FSTL4: variants seen among roughly 807,000 people sequenced by gnomAD.
The protein encoded by FSTL4 is follistatin-related protein 4.
Under a neutral mutation model 78.2 loss-of-function variants are expected in FSTL4, and 28 were observed. The observed-to-expected ratio is 0.36, with a 90% CI of 0.27 to 0.49. The LOEUF (loss-of-function observed/expected upper bound fraction) is 0.49, where lower values mean the gene tolerates loss of function less well. FSTL4 is among the 20% of genes least tolerant of loss of function. The pLI, the probability that FSTL4 is intolerant of heterozygous loss-of-function variation, is 0.98. For synonymous variants in FSTL4, 422 were observed against 440.5 expected (o/e 0.96, Z 0.53); for missense variants, 922 against 1,084.9 (o/e 0.85, Z 2.11).
chr5:133,700,556 C>A, the FSTL4 span, among the ~76,000 whole-genome samples: 1 of 152,258 alleles, frequency 6.6e-6, no homozygotes, highest in African/African-American at 2.4e-5. Context: ...GGGGCAGGTG[C>A]TCTGCCTATG....
chr5:133,245,728 C>G (rs1752021666), intron 7 of FSTL4, among the ~76,000 whole-genome samples: 3 of 152,228 alleles, frequency 2.0e-5, no homozygotes, highest in Admixed American at 1.3e-4. Context: ...GGATGGGCCA[C>G]ACACGATTGG....
chr5:133,446,223 T>C (rs1757262146), intron 3 of FSTL4, among the ~76,000 whole-genome samples: 1 of 152,146 alleles, frequency 6.6e-6, no homozygotes, highest in Admixed American at 6.5e-5. Context: ...GCAGATCACT[T>C]GAGGTCAGGA....
chr5:133,829,771 G>C, the FSTL4 span, among the ~76,000 whole-genome samples: 14,528 of 152,252 alleles, frequency 0.095, 802 homozygotes, highest in Admixed American at 0.15. Context: ...GCTATTTCTA[G>C]AGCCTTGCTG....
the FSTL4 span, among the ~76,000 whole-genome samples, chr5:133,805,344 C>T: frequency 6.6e-6 from 1 of 152,164 alleles, no homozygotes; most frequent in African/African-American, 2.4e-5. Context: ...CTGCATCACT[C>T]AAGAGTCCCT....
chr5:133,496,086 C>T (rs1205640850), intron 3 of FSTL4, among the ~76,000 whole-genome samples: 1 of 152,196 alleles, frequency 6.6e-6, no homozygotes, highest in East Asian at 1.9e-4. Flanking sequence ...ACCTGCAGCA[C>T]ATAACCTGAG....
chr5:133,701,485 A>ACT, the FSTL4 span, among the ~76,000 whole-genome samples: 1 of 124,858 alleles, frequency 8.0e-6, no homozygotes, highest in Non-Finnish European at 1.7e-5. Flanking sequence ...ACACACACAC[A>ACT]CACACACACA....
intron 6 of FSTL4, among the ~76,000 whole-genome samples, chr5:133,287,579 T>G (rs1473115696): frequency 6.6e-6 from 1 of 152,040 alleles, no homozygotes; most frequent in African/African-American, 2.4e-5. Context: ...GGCATAGGCA[T>G]CCCAACCAGC....
At chr5:133,409,082 T>C (rs1756428345) in intron 3 of FSTL4, among the ~76,000 whole-genome samples, 1 of 152,194 alleles carries the variant, frequency 6.6e-6, no homozygotes, top group African/African-American at 2.4e-5. Context: ...AAGGAAATGC[T>C]TCCCTTGCAA....
At chr5:133,819,422 G>C in the FSTL4 span, among the ~76,000 whole-genome samples, 1 of 152,132 alleles carries the variant, frequency 6.6e-6, no homozygotes, top group Non-Finnish European at 1.5e-5. Context: ...GAGAAGCATG[G>C]AGGTGTCATT....
intron 4 of FSTL4, among the ~76,000 whole-genome samples, chr5:133,344,676 C>T (rs1252537740): frequency 2.6e-5 from 4 of 152,192 alleles, no homozygotes; most frequent in Non-Finnish European, 5.9e-5. Flanking sequence ...TGAGGGATAG[C>T]ACATACGTAT....
chr5:133,464,658 G>C (rs1390173495), intron 3 of FSTL4, among the ~76,000 whole-genome samples: 1 of 152,222 alleles, frequency 6.6e-6, no homozygotes, highest in Non-Finnish European at 1.5e-5. Context: ...ATGAAGGAGG[G>C]AGAAAGCTGC....
intron 3 of FSTL4, among the ~76,000 whole-genome samples, chr5:133,403,821 G>C (rs143953214): frequency 2.0e-5 from 3 of 152,294 alleles, no homozygotes; most frequent in Non-Finnish European, 4.4e-5. Context: ...CCAGTTCATG[G>C]GGGGCTGGGG....
chr5:133,600,304 C>T (rs1234244188), intron 2 of FSTL4, among the ~76,000 whole-genome samples: 1 of 151,650 alleles, frequency 6.6e-6, no homozygotes. Context: ...GACTAGGCTA[C>T]GATGTTTGGT....
chr5:133,640,877 C>T, the FSTL4 span, among the ~76,000 whole-genome samples: 4 of 152,178 alleles, frequency 2.6e-5, no homozygotes, highest in South Asian at 2.1e-4. Context: ...AGAGCTGCCT[C>T]GCTGCTCTGG....
intron 6 of FSTL4, among the ~76,000 whole-genome samples, chr5:133,283,778 C>T (rs1753065624): frequency 6.6e-6 from 1 of 152,144 alleles, no homozygotes; most frequent in Admixed American, 6.5e-5. Flanking sequence ...AAAAAACTAC[C>T]TGAGACTGGG....
the FSTL4 span, among the ~76,000 whole-genome samples, chr5:133,838,031 G>T: frequency 6.6e-6 from 1 of 152,126 alleles, no homozygotes; most frequent in African/African-American, 2.4e-5. Flanking sequence ...GGGATTACAG[G>T]CACCTGCCAC....
In FSTL4 at chr5:133,444,029, T is replaced by C. The variant is rs182396821; in HGVS notation, c.161-43043A>G. Among the ~76,000 whole-genome samples the C allele has an allele frequency of 7.9e-3, 1,205 of 152,282 alleles. 15 individuals are homozygous for C. The highest frequency in any genetic ancestry group is 0.012 in the Non-Finnish European group (830 of 68,014). On this transcript the variant is annotated intron_variant, in intron 3 of 15. Transcript: ENST00000265342. ...ACCCCCTTCTTTTCCTCCTGGGCACTTGTGCTGGGCTGCAGTTGCTCACCC... is the reference window on the plus strand; with the variant it reads ...ACCCCCTTCTTTTCCTCCTGGGCACCTGTGCTGGGCTGCAGTTGCTCACCC...
At chr5:133,502,088 G>A (rs1325693205) in intron 3 of FSTL4, among the ~76,000 whole-genome samples, 2 of 152,210 alleles carry the variant, frequency 1.3e-5, no homozygotes, top group Non-Finnish European at 2.9e-5. Context: ...CAGCCCTGAG[G>A]ACACTTTGAT....
intron 4 of FSTL4, among the ~76,000 whole-genome samples, chr5:133,333,480 C>T (rs1179888029): frequency 2.0e-5 from 3 of 152,192 alleles, no homozygotes; most frequent in African/African-American, 7.2e-5. Context: ...ACGTTGAAAC[C>T]CTGCCCAGGC....
Sources: allele counts gnomAD v4.1 joint callset (sites outside exome capture counted in the v4.1 genomes callset), GRCh38; gene constraint gnomAD v4.1.1; transcripts MANE v1.5; gene names NCBI Gene and HGNC (gene_info 2026-07-23, HGNC 2026-07-21).